The following OXR1 variants were observed in gnomAD, a reference collection of about 807,000 sequenced individuals.
The protein encoded by OXR1 is oxidation resistance 1.
Under a neutral mutation model 104.6 loss-of-function variants are expected in OXR1, and 41 were observed. The observed-to-expected ratio is 0.39, with a 90% CI of 0.31 to 0.51. The LOEUF is 0.51. Among genes scored for constraint, OXR1 ranks in the 20% least tolerant of loss-of-function variants. The probability of loss-of-function intolerance (pLI) is 0.77; values close to 1 mark genes in which losing one functional copy is unlikely to be tolerated. For synonymous variants in OXR1, 348 were observed against 348.4 expected (o/e 1.00, Z 0.01); for missense variants, 955 against 1,031.9 (o/e 0.93, Z 1.02).
At chr8:106,527,119 C>G (rs1386387183) in intron 3 of OXR1, among the ~76,000 whole-genome samples, 1 of 152,112 alleles carries the variant, frequency 6.6e-6, no homozygotes, top group Non-Finnish European at 1.5e-5. Context: ...CCCAGTATGC[C>G]TCTTTATAAA....
At chr8:106,657,643 T>G (rs1825241655) in intron 3 of OXR1, 1 of 183,764 alleles carries the variant, frequency 5.4e-6, no homozygotes, top group African/African-American at 2.4e-5. Context: ...AGAGGACCCG[T>G]CCAGCTTGCT....
At chr8:106,541,635 C>T (rs190624580) in intron 3 of OXR1, among the ~76,000 whole-genome samples, 111 of 152,246 alleles carry the variant, frequency 7.3e-4, no homozygotes, top group African/African-American at 2.6e-3. Context: ...ACCAGTACCT[C>T]GCCAAAACTG....
At position 106,309,415 on chromosome 8, in the gene OXR1, C is replaced by T. The variant is rs531930162; in HGVS notation, c.-139+39048C>T. On this transcript the variant is annotated intron_variant, in intron 1 of 16. Transcript: ENST00000517566. ...TGTTTGTGTGTATCTATCATATATA[C>T]GACATTTACATAGACGATAAATTAG... Among the ~76,000 whole-genome samples, 40 of 152,136 alleles carry T rather than the reference C, an allele frequency of 2.6e-4. 1 individual carries two copies. The Middle Eastern group carries it at 0.014, about 52-fold the overall frequency.
rs144256468 is a variant in OXR1 at position 106,335,588 on chromosome 8, G to A, written c.-138-23888G>A. 2.6e-5 allele frequency among the ~76,000 whole-genome samples: 4 copies of A among 151,700 alleles called. No individual in the cohort carries two copies. In the East Asian group the frequency reaches 7.8e-4, roughly 29 times the overall value. On this transcript the variant is annotated intron_variant, in intron 1 of 16. Coordinates refer to ENST00000517566, the MANE Select transcript of OXR1 (RefSeq NM_001198533.2). ...TCTTTCAGCCCATTCTATCTGCTTG[G>A]TTATAATTACTACAGTACACTCTTC...
intron 12 of OXR1, among the ~76,000 whole-genome samples, chr8:106,738,432 A>C (rs150867527): frequency 6.6e-6 from 1 of 152,064 alleles, no homozygotes; most frequent in Non-Finnish European, 1.5e-5. Flanking sequence ...ATTGGTTGCA[A>C]ATATATGCTG....
chr8:106,350,701 G>T (rs889660098), intron 1 of OXR1, among the ~76,000 whole-genome samples: 1 of 152,164 alleles, frequency 6.6e-6, no homozygotes, highest in African/African-American at 2.4e-5. Context: ...GTATCAATAG[G>T]ATATAAAAGC....
At chr8:106,534,037 TCA>T (rs1814296094) in intron 3 of OXR1, among the ~76,000 whole-genome samples, 1 of 152,152 alleles carries the variant, frequency 6.6e-6, no homozygotes, top group Non-Finnish European at 1.5e-5. Context: ...TCAGAGGGAC[TCA>T]GAGAGGAAAG....
chr8:106,289,770 T>G (rs118108948), intron 1 of OXR1, among the ~76,000 whole-genome samples: 2 of 152,260 alleles, frequency 1.3e-5, no homozygotes, highest in East Asian at 3.9e-4. Context: ...AAATCCCATC[T>G]TGAATTGTAG....
intron 3 of OXR1, among the ~76,000 whole-genome samples, chr8:106,670,596 T>C (rs1056243440): frequency 1.4e-4 from 21 of 152,016 alleles, no homozygotes; most frequent in Non-Finnish European, 5.9e-5. Flanking sequence ...ATTCTAGAAG[T>C]GAAAAATACA....
At chr8:106,329,113 T>C (rs1030412684) in intron 1 of OXR1, among the ~76,000 whole-genome samples, 9 of 152,012 alleles carry the variant, frequency 5.9e-5, no homozygotes, top group Non-Finnish European at 1.2e-4. Context: ...TGCCTCAGCC[T>C]CCCGAGTAGC....
intron 3 of OXR1, among the ~76,000 whole-genome samples, chr8:106,569,360 C>G (rs781145802): frequency 7.0e-4 from 107 of 152,216 alleles, no homozygotes; most frequent in Non-Finnish European, 8.4e-4. Context: ...GCCAATTGTT[C>G]TCTAAAAGAT....
chr8:106,568,773 C>A (rs1817257312), intron 3 of OXR1, among the ~76,000 whole-genome samples: 1 of 152,034 alleles, frequency 6.6e-6, no homozygotes. Context: ...TTAATACCAA[C>A]ATGATTATTT....
chr8:106,657,705 A>C (rs1412407306), intron 3 of OXR1: 1 of 428,152 alleles, frequency 2.3e-6, no homozygotes, highest in Non-Finnish European at 3.5e-6. Flanking sequence ...GAATACACCT[A>C]TGTGACAAGC....
chr8:106,726,772 T>C (rs568319179), intron 11 of OXR1, among the ~76,000 whole-genome samples: 1 of 152,156 alleles, frequency 6.6e-6, no homozygotes, highest in Non-Finnish European at 1.5e-5. Context: ...GTTCAAAAAG[T>C]TTTCAGGCAA....
chr8:106,624,575 G>A (rs756846354), intron 3 of OXR1, among the ~76,000 whole-genome samples: 1 of 152,124 alleles, frequency 6.6e-6, no homozygotes, highest in Non-Finnish European at 1.5e-5. Flanking sequence ...AGGTCTCAGA[G>A]ATAGCTGAGG....
intron 3 of OXR1, among the ~76,000 whole-genome samples, chr8:106,603,786 C>T (rs1189730742): frequency 6.6e-6 from 1 of 152,188 alleles, no homozygotes; most frequent in African/African-American, 2.4e-5. Context: ...GGCACAGTGG[C>T]TCACACCTAT....
chr8:106,657,928 G>A (rs913459322), intron 3 of OXR1: 14 of 1,247,074 alleles, frequency 1.1e-5, no homozygotes, highest in Admixed American at 8.4e-5. Context: ...AGTGGTGGCC[G>A]CCACCGCCGA....
intron 2 of OXR1, among the ~76,000 whole-genome samples, chr8:106,394,336 C>G (rs1586599284): frequency 4.0e-5 from 6 of 150,470 alleles, no homozygotes; most frequent in African/African-American, 1.5e-4. Context: ...CAATTTCTTA[C>G]AAAATTAACC....
At chr8:106,555,915 T>G (rs1816230581) in intron 3 of OXR1, among the ~76,000 whole-genome samples, 1 of 62,964 alleles carries the variant, frequency 1.6e-5, no homozygotes, top group African/African-American at 6.1e-5. Context: ...TGTGTAGGCA[T>G]ACGTATATAT....
Sources: gnomAD v4.1 joint callset for allele counts (sites outside exome capture counted in the v4.1 genomes callset) on GRCh38, gnomAD v4.1.1 for gene constraint, MANE v1.5 for transcripts, NCBI Gene and HGNC (gene_info 2026-07-23, HGNC 2026-07-21) for gene names.